The following LOC400499 variants were observed in gnomAD, a reference collection of about 807,000 sequenced individuals.
chr16:11,493,794 G>T, the LOC400499 span: 71 of 381,076 alleles, frequency 1.9e-4, no homozygotes, highest in African/African-American at 1.4e-3. Flanking sequence ...GCACAAGCTG[G>T]AGCTAAATCG....
chr16:11,412,113 C>T, the LOC400499 span, among the ~76,000 whole-genome samples: 1 of 152,162 alleles, frequency 6.6e-6, no homozygotes, highest in Non-Finnish European at 1.5e-5. Context: ...AATCCTCCCA[C>T]CTCGACCTCC....
the LOC400499 span, chr16:11,491,899 G>A: frequency 2.5e-6 from 1 of 398,344 alleles, no homozygotes. Context: ...CTCCACCCAG[G>A]AGTATGATGT....
At chr16:11,392,040 C>G in the LOC400499 span, 1 of 401,828 alleles carries the variant, frequency 2.5e-6, no homozygotes, top group African/African-American at 2.0e-5. Context: ...CAGAGGCACC[C>G]AAGCCTTGAA....
chr16:11,477,562 G>A, the LOC400499 span, among the ~76,000 whole-genome samples: 2 of 152,242 alleles, frequency 1.3e-5, no homozygotes, highest in Non-Finnish European at 1.5e-5. Flanking sequence ...GGGGTGGATG[G>A]AAGGGCATAG....
chr16:11,391,716 T>C, the LOC400499 span: 2 of 1,232,188 alleles, frequency 1.6e-6, no homozygotes, highest in Non-Finnish European at 2.0e-6. Flanking sequence ...CCACTCCAGG[T>C]AAAGAGGCAG....
the LOC400499 span, among the ~76,000 whole-genome samples, chr16:11,478,158 G>T: frequency 2.5e-4 from 37 of 150,508 alleles, no homozygotes; most frequent in African/African-American, 8.5e-4. Context: ...AAAATACAAA[G>T]CTGGGACTAC....
the LOC400499 span, among the ~76,000 whole-genome samples, chr16:11,435,463 A>G: frequency 2.0e-5 from 3 of 152,142 alleles, no homozygotes; most frequent in Non-Finnish European, 4.4e-5. Context: ...CAACGCAAAA[A>G]AGAAACAAAG....
chr16:11,378,356 C>T, the LOC400499 span, among the ~76,000 whole-genome samples: 83 of 151,864 alleles, frequency 5.5e-4, no homozygotes, highest in Non-Finnish European at 6.6e-4. Flanking sequence ...CTCTGCCTCC[C>T]GGGTTCAAGT....
At chr16:11,497,028 G>A in the LOC400499 span, among the ~76,000 whole-genome samples, 517 of 152,242 alleles carry the variant, frequency 3.4e-3, 1 homozygote, top group Middle Eastern at 6.8e-3. Context: ...AACAGTGTGT[G>A]TAGGTCTGTG....
At chr16:11,461,085 C>T in the LOC400499 span, 1 of 1,535,930 alleles carries the variant, frequency 6.5e-7, no homozygotes, top group South Asian at 1.2e-5. Context: ...GGGCGGCCAC[C>T]CTCCGTCCAT....
chr16:11,408,459 T>TG, the LOC400499 span, among the ~76,000 whole-genome samples: 1 of 150,716 alleles, frequency 6.6e-6, no homozygotes, highest in Admixed American at 6.6e-5. Context: ...GGATTTTTTT[T>TG]TTTTTTTTTT....
At chr16:11,512,718 T>C in the LOC400499 span, among the ~76,000 whole-genome samples, 1 of 152,176 alleles carries the variant, frequency 6.6e-6, no homozygotes, top group Non-Finnish European at 1.5e-5. Flanking sequence ...GGTATGTGAA[T>C]TCTCTCTTAA....
the LOC400499 span, among the ~76,000 whole-genome samples, chr16:11,474,440 T>C: frequency 6.6e-6 from 1 of 152,236 alleles, no homozygotes. Context: ...TTTGAGTTGC[T>C]TCCTATTTTT....
the LOC400499 span, among the ~76,000 whole-genome samples, chr16:11,468,897 G>C: frequency 1.3e-5 from 2 of 152,206 alleles, no homozygotes; most frequent in Admixed American, 6.5e-5. Flanking sequence ...AAAATGCTGG[G>C]ATTACAAGTG....
the LOC400499 span, among the ~76,000 whole-genome samples, chr16:11,492,916 G>A: frequency 6.6e-6 from 1 of 152,194 alleles, no homozygotes; most frequent in South Asian, 2.1e-4. Context: ...CACAGTGAAA[G>A]TGCCTTTTAA....
At chr16:11,405,244 C>T in the LOC400499 span, among the ~76,000 whole-genome samples, 2 of 152,312 alleles carry the variant, frequency 1.3e-5, no homozygotes, top group East Asian at 1.9e-4. Flanking sequence ...CAGGGCTACA[C>T]GGTGGAGAGG....
At chr16:11,383,743 G>A in the LOC400499 span, 6 of 1,232,452 alleles carry the variant, frequency 4.9e-6, no homozygotes, top group Non-Finnish European at 6.1e-6. Flanking sequence ...GGTGCCACAG[G>A]GGACCTGCAC....
chr16:11,477,902 G>A, the LOC400499 span: 281 of 399,052 alleles, frequency 7.0e-4, 1 homozygote, highest in African/African-American at 5.3e-3. Context: ...GCTGATGGCA[G>A]CCGAGGCATT....
the LOC400499 span, chr16:11,471,447 G>C: frequency 1.1e-4 from 41 of 388,380 alleles, no homozygotes; most frequent in East Asian, 9.2e-4. Flanking sequence ...CCTGAACTGA[G>C]ACCTAAAGAC....
Sources: allele counts gnomAD v4.1 joint callset (sites outside exome capture counted in the v4.1 genomes callset), GRCh38; gene constraint gnomAD v4.1.1; transcripts MANE v1.5.